BRD10: variants seen among roughly 807,000 people sequenced by gnomAD.
The protein encoded by BRD10 is uncharacterized bromodomain-containing protein 10.
chr9:5,943,962 T>C, the BRD10 span, among the ~76,000 whole-genome samples: 1 of 152,136 alleles, frequency 6.6e-6, no homozygotes, highest in African/African-American at 2.4e-5. Context: ...TTCAGAGTGC[T>C]ACCAACATGT....
the BRD10 span, chr9:5,908,861 G>A: frequency 4.6e-5 from 30 of 646,448 alleles, no homozygotes; most frequent in Non-Finnish European, 7.4e-5. Context: ...TAGTAGGTCC[G>A]CTAGCAGTAC....
chr9:5,943,997 C>G, the BRD10 span, among the ~76,000 whole-genome samples: 1 of 152,106 alleles, frequency 6.6e-6, no homozygotes. Flanking sequence ...TATAAAATGA[C>G]TAACACAAAT....
chr9:5,967,671 C>T, the BRD10 span, among the ~76,000 whole-genome samples: 1 of 136,432 alleles, frequency 7.3e-6, no homozygotes, highest in East Asian at 2.2e-4. Context: ...GCTTTTCCTA[C>T]TACACTGTAC....
the BRD10 span, among the ~76,000 whole-genome samples, chr9:5,964,954 C>T: frequency 6.8e-6 from 1 of 146,076 alleles, no homozygotes; most frequent in Non-Finnish European, 1.5e-5. Context: ...ATACCTAATG[C>T]TAGATGACAA....
chr9:5,979,829 A>C, the BRD10 span, among the ~76,000 whole-genome samples: 1,636 of 152,102 alleles, frequency 0.011, 17 homozygotes, highest in Middle Eastern at 0.034. Context: ...CAGCCTGGGC[A>C]ACATGGTGAA....
chr9:5,948,408 A>T, the BRD10 span, among the ~76,000 whole-genome samples: 3 of 152,066 alleles, frequency 2.0e-5, no homozygotes, highest in Non-Finnish European at 2.9e-5. Context: ...CTAAGCTTTC[A>T]TTTTTATTAA....
chr9:5,883,083 C>T, the BRD10 span, among the ~76,000 whole-genome samples: 1 of 152,004 alleles, frequency 6.6e-6, no homozygotes, highest in South Asian at 2.1e-4. Flanking sequence ...GGGTGCAGCA[C>T]ACCAACATGG....
chr9:5,964,239 G>A, the BRD10 span, among the ~76,000 whole-genome samples: 2 of 143,986 alleles, frequency 1.4e-5, no homozygotes, highest in Non-Finnish European at 3.1e-5. Flanking sequence ...TCAAAAAGTG[G>A]GCGAAGGACA....
chr9:5,967,975 GAA>G, the BRD10 span: 1 of 1,239,498 alleles, frequency 8.1e-7, no homozygotes, highest in Non-Finnish European at 1.1e-6. Flanking sequence ...AAAACAATTT[GAA>G]TTATACTTAA....
the BRD10 span, among the ~76,000 whole-genome samples, chr9:5,987,774 T>C: frequency 6.6e-6 from 1 of 152,198 alleles, no homozygotes; most frequent in African/African-American, 2.4e-5. Context: ...TGTTTGTCAG[T>C]ATAGAAACAT....
the BRD10 span, among the ~76,000 whole-genome samples, chr9:6,005,387 C>T: frequency 6.6e-6 from 1 of 152,202 alleles, no homozygotes; most frequent in Non-Finnish European, 1.5e-5. Flanking sequence ...GACAACTAAC[C>T]CCAGCTACTC....
the BRD10 span, among the ~76,000 whole-genome samples, chr9:5,960,562 C>CA: frequency 9.6e-4 from 118 of 122,320 alleles, no homozygotes; most frequent in Middle Eastern, 4.1e-3. Context: ...GACTCTGTCT[C>CA]AAAAAAAAAA....
chr9:6,006,245 T>C, the BRD10 span, among the ~76,000 whole-genome samples: 1 of 152,202 alleles, frequency 6.6e-6, no homozygotes, highest in Non-Finnish European at 1.5e-5. Flanking sequence ...AGCAACTCTA[T>C]GAGAGAAGTA....
the BRD10 span, among the ~76,000 whole-genome samples, chr9:5,996,546 G>C: frequency 6.6e-6 from 1 of 152,116 alleles, no homozygotes; most frequent in Non-Finnish European, 1.5e-5. Context: ...GGCCAGGCTG[G>C]TCTCAAACTC....
chr9:5,978,469 A>G, the BRD10 span, among the ~76,000 whole-genome samples: 1 of 152,004 alleles, frequency 6.6e-6, no homozygotes, highest in Non-Finnish European at 1.5e-5. Context: ...GGGAAGCAAG[A>G]TATTTATTTA....
At chr9:5,973,888 A>C in the BRD10 span, among the ~76,000 whole-genome samples, 1 of 152,196 alleles carries the variant, frequency 6.6e-6, no homozygotes, top group Non-Finnish European at 1.5e-5. Context: ...TCTCAAAAAA[A>C]CCAAAACAAA....
At chr9:5,991,724 T>TAAAA in the BRD10 span, among the ~76,000 whole-genome samples, 1 of 118,030 alleles carries the variant, frequency 8.5e-6, no homozygotes, top group African/African-American at 3.2e-5. Flanking sequence ...GACTCTGTCT[T>TAAAA]AAAAAAAAAA....
the BRD10 span, chr9:5,921,807 A>C: frequency 3.1e-6 from 5 of 1,613,888 alleles, no homozygotes; most frequent in Non-Finnish European, 4.2e-6. Context: ...GAGGACTTCA[A>C]GGGAGAAGAG....
chr9:5,965,481 T>C, the BRD10 span, among the ~76,000 whole-genome samples: 2 of 152,336 alleles, frequency 1.3e-5, no homozygotes, highest in East Asian at 3.9e-4. Context: ...AAAACCTGAC[T>C]TCAACTTAAG....
Sources: gnomAD v4.1 joint callset for allele counts (sites outside exome capture counted in the v4.1 genomes callset) on GRCh38, gnomAD v4.1.1 for gene constraint, MANE v1.5 for transcripts, NCBI Gene and HGNC (gene_info 2026-07-23, HGNC 2026-07-21) for gene names.